The following PPP1R12B variants were observed in gnomAD, a reference collection of about 807,000 sequenced individuals.
PPP1R12B encodes protein phosphatase 1 regulatory subunit 12B, also known as myosin phosphatase target subunit 2.
In PPP1R12B, 76 loss-of-function variants were observed where a neutral mutation model predicts 126.1. That is an observed-to-expected ratio of 0.60 (90% CI 0.50 to 0.73). The LOEUF (loss-of-function observed/expected upper bound fraction) is 0.73, where lower values mean the gene tolerates loss of function less well. Among genes scored for constraint, PPP1R12B ranks in the 30% least tolerant of loss-of-function variants. PPP1R12B has a pLI of 0.00. For missense variants in PPP1R12B, 1,052 were observed against 1,205.1 expected (o/e 0.87, Z 1.88); for synonymous variants, 356 against 434.7 (o/e 0.82, Z 2.25).
chr1:202,562,858 G>A lies in PPP1R12B; in HGVS notation c.2588G>A (p.Arg863Gln), dbSNP rs200358617. ...RASARARREA[R>Q]EARLATLTSR... ...TCAGCAAGAGCCCGTCGGGAGGCCC[G>A]GGAGGCCCGCCTAGCCACCCTGACC... The change falls in exon 20 of 24, where the codon CGG becomes CAG. Residue 863 changes from arginine (R) to glutamine (Q), a missense_variant. Transcript: ENST00000608999. 8.9e-5 allele frequency: 144 copies of A among 1,612,970 alleles called. No individual in the cohort carries two copies. In the East Asian group the frequency reaches 2.8e-3, roughly 32 times the overall value.
At chr1:202,533,857 C>T (rs1228239950) in intron 18 of PPP1R12B, among the ~76,000 whole-genome samples, 1 of 152,126 alleles carries the variant, frequency 6.6e-6, no homozygotes, top group African/African-American at 2.4e-5. Context: ...AGTTTTTCCT[C>T]TTTTGTGATT....
chr1:202,538,977 G>T (rs1684830178), intron 18 of PPP1R12B, among the ~76,000 whole-genome samples: 1 of 152,092 alleles, frequency 6.6e-6, no homozygotes, highest in African/African-American at 2.4e-5. Context: ...TATACTTACA[G>T]ATCCAGCCAG....
At chr1:202,368,346 C>G (rs952792259) in intron 1 of PPP1R12B, among the ~76,000 whole-genome samples, 5 of 152,190 alleles carry the variant, frequency 3.3e-5, no homozygotes, top group South Asian at 2.1e-4. Context: ...GATGTGCTTG[C>G]TCCGCTTCGC....
rs1010323349 is a variant in PPP1R12B, at chr1:202,553,703, C to A, written c.2491-5174C>A. Reference sequence around the variant, plus strand: ...AGCCTCTAAAGGATCATCGATTTGGCTGGAGTCCCTAAGCCTTGTGTTCTA... The same window carrying A: ...AGCCTCTAAAGGATCATCGATTTGGATGGAGTCCCTAAGCCTTGTGTTCTA... On this transcript the variant is annotated intron_variant, in intron 18 of 23. Transcript: ENST00000608999. Among the ~76,000 whole-genome samples, 10 of 152,276 alleles carry A rather than the reference C, an allele frequency of 6.6e-5. No individual in the cohort carries two copies. The East Asian group carries it at 1.9e-3, about 29-fold the overall frequency.
chr1:202,513,738 G>A (rs1302617489), intron 18 of PPP1R12B, among the ~76,000 whole-genome samples: 1 of 152,180 alleles, frequency 6.6e-6, no homozygotes, highest in Non-Finnish European at 1.5e-5. Flanking sequence ...CTGAAGCAAA[G>A]GCAAGCAAAA....
chr1:202,549,591 TG>T (rs1686096775), intron 18 of PPP1R12B, among the ~76,000 whole-genome samples: 1 of 152,082 alleles, frequency 6.6e-6, no homozygotes, highest in Admixed American at 6.6e-5. Flanking sequence ...GGCTAATTTT[TG>T]TATTTTTAGT....
intron 12 of PPP1R12B, chr1:202,448,617 G>A (rs1256313068): frequency 5.4e-6 from 1 of 185,490 alleles, no homozygotes; most frequent in Non-Finnish European, 1.1e-5. Context: ...TCTTTTTCTT[G>A]TGTAGAGAGG....
At chr1:202,502,968 T>G (rs1343829749) in intron 18 of PPP1R12B, 2 of 152,198 alleles carry the variant, frequency 1.3e-5, no homozygotes, top group African/African-American at 4.8e-5. Context: ...GATAAGTTAT[T>G]ATAAGAACTT....
chr1:202,543,340 A>T (rs1248820623), intron 18 of PPP1R12B, among the ~76,000 whole-genome samples: 1 of 152,184 alleles, frequency 6.6e-6, no homozygotes, highest in Non-Finnish European at 1.5e-5. Flanking sequence ...GCATGTCCTC[A>T]CCAGCCAAGA....
At chr1:202,446,415 G>A (rs1272061509) in intron 12 of PPP1R12B, among the ~76,000 whole-genome samples, 19 of 147,838 alleles carry the variant, frequency 1.3e-4, no homozygotes, top group African/African-American at 3.4e-4. Context: ...CACCATACCC[G>A]GCTAATTTTT....
intron 8 of PPP1R12B, among the ~76,000 whole-genome samples, chr1:202,433,654 G>T (rs1417478): frequency 5.6e-4 from 85 of 152,246 alleles, no homozygotes; most frequent in African/African-American, 1.9e-3. Flanking sequence ...CATTTAAGCC[G>T]AAATTCATTT....
intron 1 of PPP1R12B, among the ~76,000 whole-genome samples, chr1:202,359,729 G>A (rs1034523172): frequency 6.6e-6 from 1 of 152,090 alleles, no homozygotes; most frequent in Non-Finnish European, 1.5e-5. Context: ...ACTTGAATCC[G>A]GGAGGCGGAG....
intron 18 of PPP1R12B, among the ~76,000 whole-genome samples, chr1:202,511,124 G>A (rs1215886173): frequency 6.7e-6 from 1 of 149,270 alleles, no homozygotes; most frequent in Non-Finnish European, 1.5e-5. Flanking sequence ...TGGGGAACAA[G>A]TGGTTTTTTG....
chr1:202,424,936 C>T (rs1465728418), intron 3 of PPP1R12B, among the ~76,000 whole-genome samples: 1 of 152,082 alleles, frequency 6.6e-6, no homozygotes, highest in African/African-American at 2.4e-5. Context: ...GTGTATTTAC[C>T]TGTATATGGA....
At chr1:202,555,526 A>C (rs527626529) in intron 18 of PPP1R12B, among the ~76,000 whole-genome samples, 1 of 151,968 alleles carries the variant, frequency 6.6e-6, no homozygotes, top group East Asian at 1.9e-4. Flanking sequence ...CAGCAGCAAA[A>C]AAGCATGATT....
chr1:202,459,653 C>T (rs1674068144), intron 13 of PPP1R12B, among the ~76,000 whole-genome samples: 2 of 152,174 alleles, frequency 1.3e-5, no homozygotes, highest in South Asian at 2.1e-4. Flanking sequence ...AGCATAGAGT[C>T]ATTTGCTTAA....
intron 13 of PPP1R12B, chr1:202,462,887 C>T: frequency 2.0e-6 from 2 of 985,354 alleles, no homozygotes; most frequent in Non-Finnish European, 2.4e-6. Flanking sequence ...GCTTGACCTG[C>T]TTTCACCTGG....
At chr1:202,358,514 C>T (rs1301098480) in intron 1 of PPP1R12B, among the ~76,000 whole-genome samples, 1 of 152,144 alleles carries the variant, frequency 6.6e-6, no homozygotes, top group Admixed American at 6.5e-5. Flanking sequence ...AACCCTGTCT[C>T]TACTAAATAT....
chr1:202,537,701 A>G (rs1684691068), intron 18 of PPP1R12B, among the ~76,000 whole-genome samples: 1 of 152,332 alleles, frequency 6.6e-6, no homozygotes, highest in South Asian at 2.1e-4. Flanking sequence ...TCTTACAGAA[A>G]CAGGTCAGGA....
Sources: allele counts gnomAD v4.1 joint callset (sites outside exome capture counted in the v4.1 genomes callset), GRCh38; gene constraint gnomAD v4.1.1; transcripts MANE v1.5; gene names NCBI Gene and HGNC (gene_info 2026-07-23, HGNC 2026-07-21).